The following GALNT18 variants were observed in gnomAD, a reference collection of about 807,000 sequenced individuals.
The protein encoded by GALNT18 is polypeptide N-acetylgalactosaminyltransferase 18.
GALNT18 carries 44 observed loss-of-function variants against 69.5 expected under a neutral mutation model. That is an observed-to-expected ratio of 0.63 (90% CI 0.50 to 0.81). GALNT18 has a LOEUF of 0.81. Among genes scored for constraint, GALNT18 ranks in the 40% least tolerant of loss-of-function variants. The pLI, the probability that GALNT18 is intolerant of heterozygous loss-of-function variation, is 0.00. For missense variants in GALNT18, 715 were observed against 810.0 expected (o/e 0.88, Z 1.42); for synonymous variants, 364 against 318.2 (o/e 1.14, Z -1.53).
At chr11:11,426,600 G>C (rs1377874232) in intron 3 of GALNT18, among the ~76,000 whole-genome samples, 4 of 152,196 alleles carry the variant, frequency 2.6e-5, no homozygotes, top group Non-Finnish European at 5.9e-5. Context: ...TGTCTTCATG[G>C]AGCTTACACA....
At chr11:11,509,136 T>C (rs926247386) in intron 1 of GALNT18, among the ~76,000 whole-genome samples, 6 of 152,168 alleles carry the variant, frequency 3.9e-5, no homozygotes, top group Non-Finnish European at 7.3e-5. Context: ...GATTCTCATC[T>C]TTCACAAGTG....
At chr11:11,508,727 C>T (rs1857115789) in intron 1 of GALNT18, among the ~76,000 whole-genome samples, 1 of 152,168 alleles carries the variant, frequency 6.6e-6, no homozygotes, top group African/African-American at 2.4e-5. Flanking sequence ...GCCTTTGGCA[C>T]TTTTTTCCTA....
At chr11:11,585,814 T>C (rs1350859869) in intron 1 of GALNT18, among the ~76,000 whole-genome samples, 4 of 151,270 alleles carry the variant, frequency 2.6e-5, no homozygotes, top group Non-Finnish European at 4.4e-5. Flanking sequence ...TTTTTTTTTT[T>C]TTTTTTTTGG....
chr11:11,529,646 C>T (rs558808774), intron 1 of GALNT18, among the ~76,000 whole-genome samples: 2 of 152,130 alleles, frequency 1.3e-5, no homozygotes, highest in South Asian at 4.2e-4. Flanking sequence ...TATACACACA[C>T]ACACACACAC....
chr11:11,462,740 G>A lies in GALNT18; in HGVS notation c.236-13804C>T, dbSNP rs895461038. On this transcript the variant is annotated intron_variant, in intron 1 of 10. Transcript: ENST00000227756. ...GCCTGGTGGCTTTCACTCAGAAGCA[G>A]AATGTTCAATGGAACCACCTGAAGT... 7.9e-5 allele frequency among the ~76,000 whole-genome samples: 12 copies of A among 152,162 alleles called. No homozygotes were observed. The East Asian group carries it at 2.3e-3, about 29-fold the overall frequency.
chr11:11,434,645 T>A (rs1437815331), intron 2 of GALNT18, among the ~76,000 whole-genome samples: 1 of 151,882 alleles, frequency 6.6e-6, no homozygotes, highest in Non-Finnish European at 1.5e-5. Context: ...CAAAAGTGAG[T>A]CGTGCAAGGG....
chr11:11,332,044 A>AC lies in GALNT18; in HGVS notation c.1416+649dup, dbSNP rs1011967797. 1.3e-5 allele frequency among the ~76,000 whole-genome samples: 2 copies of AC among 152,066 alleles called. No individual in the cohort carries two copies. The highest frequency in any genetic ancestry group is 4.8e-5 in the African/African-American group (2 of 41,402). ...TACTCTACGGGGATAGTATTGAATT[A>AC]CCCCCATTTAACAGGTGAAGAAACT... On this transcript the variant is annotated intron_variant, in intron 8 of 10. Transcript: ENST00000227756. The surrounding 1 kb of genome is among the most constrained non-coding windows in gnomAD (Gnocchi z 4.3).
intron 6 of GALNT18, among the ~76,000 whole-genome samples, chr11:11,357,305 A>C (rs1850551172): frequency 6.6e-6 from 1 of 151,954 alleles, no homozygotes; most frequent in South Asian, 2.1e-4. Flanking sequence ...TACTTTCTCA[A>C]GGCTCAGGCA....
chr11:11,445,960 C>G (rs1226113488), intron 2 of GALNT18, among the ~76,000 whole-genome samples: 1 of 152,190 alleles, frequency 6.6e-6, no homozygotes, highest in Admixed American at 6.5e-5. Flanking sequence ...ATTCCTCCCA[C>G]AGGTGAGAGT....
In GALNT18 at chr11:11,605,486, G is replaced by A. The variant is rs1488319168; in HGVS notation, c.235+15873C>T. ...AGACACAGGTGGTGGAGTCCATTCT[G>A]AGGTTCTCACAGACCTCGGGGTGAA... On this transcript the variant is annotated intron_variant, in intron 1 of 10. Transcript: ENST00000227756. This position sits in a 1 kb window ranked among gnomAD's most constrained non-coding sequence, Gnocchi z 4.7. Among the ~76,000 whole-genome samples, 1 of 152,202 alleles carries A rather than the reference G, an allele frequency of 6.6e-6. No homozygotes were observed. Among genetic ancestry groups the A allele is most frequent in the Admixed American group, 6.5e-5 (1 of 15,284 alleles).
chr11:11,279,887 C>T (rs957339553), intron 10 of GALNT18, among the ~76,000 whole-genome samples: 3 of 151,702 alleles, frequency 2.0e-5, no homozygotes, highest in Non-Finnish European at 4.4e-5. Context: ...TGTATGTATC[C>T]ATGTTCTTCA....
chr11:11,453,329 C>T (rs751362129), intron 1 of GALNT18, among the ~76,000 whole-genome samples: 6 of 152,168 alleles, frequency 3.9e-5, no homozygotes, highest in Non-Finnish European at 7.4e-5. Context: ...GCACTCACCT[C>T]CCATCTCTGC....
chr11:11,559,750 G>A (rs1218222159), intron 1 of GALNT18, among the ~76,000 whole-genome samples: 1 of 150,794 alleles, frequency 6.6e-6, no homozygotes, highest in Non-Finnish European at 1.5e-5. Flanking sequence ...TGATGGGATG[G>A]GATGGGATAG....
chr11:11,342,950 G>T (rs552506302), intron 6 of GALNT18, among the ~76,000 whole-genome samples: 1 of 152,188 alleles, frequency 6.6e-6, no homozygotes, highest in Non-Finnish European at 1.5e-5. Context: ...TAAGCATGTG[G>T]TCATTCTTAG....
chr11:11,529,525 C>T (rs1016076103), intron 1 of GALNT18, among the ~76,000 whole-genome samples: 4 of 152,182 alleles, frequency 2.6e-5, no homozygotes, highest in Admixed American at 2.6e-4. Context: ...AGACTCAGAA[C>T]TACACCATGG....
At chr11:11,481,314 G>A (rs1856524970) in intron 1 of GALNT18, among the ~76,000 whole-genome samples, 6 of 151,244 alleles carry the variant, frequency 4.0e-5, no homozygotes, top group South Asian at 2.1e-4. Flanking sequence ...ATCCCTCCTC[G>A]CTGGTCTTAG....
chr11:11,597,661 T>A (rs548355088), intron 1 of GALNT18, among the ~76,000 whole-genome samples: 148 of 149,152 alleles, frequency 9.9e-4, no homozygotes, highest in Non-Finnish European at 1.6e-3. Flanking sequence ...AATTTGAGTA[T>A]TCTTTTTTTT....
chr11:11,514,788 C>A (rs1046285623), intron 1 of GALNT18, among the ~76,000 whole-genome samples: 1 of 152,144 alleles, frequency 6.6e-6, no homozygotes, highest in Non-Finnish European at 1.5e-5. Flanking sequence ...GAGGCAGGAG[C>A]AACCAGAGCA....
chr11:11,320,215 T>C lies in GALNT18; in HGVS notation c.1512+6871A>G, dbSNP rs574402904. 4.3e-4 allele frequency among the ~76,000 whole-genome samples: 66 copies of C among 152,264 alleles called. No individual in the cohort carries two copies. The highest frequency in any genetic ancestry group is 1.5e-3 in the African/African-American group (62 of 41,570). ...GCATTTTCAGGCTTCCTATCAAGTG[T>C]GATGCTTAGGGAGGAATATGTAAGT... On this transcript the variant is annotated intron_variant, in intron 9 of 10. Transcript: ENST00000227756. This position sits in a 1 kb window ranked among gnomAD's most constrained non-coding sequence, Gnocchi z 4.9.
Sources: allele counts gnomAD v4.1 joint callset (sites outside exome capture counted in the v4.1 genomes callset), GRCh38; gene constraint gnomAD v4.1.1; non-coding constraint Gnocchi (gnomAD v3.1); transcripts MANE v1.5; gene names NCBI Gene and HGNC (gene_info 2026-07-23, HGNC 2026-07-21).